Variants in SLC22A23 observed in about 807,000 individuals in gnomAD.
SLC22A23 encodes the protein ion transporter protein.
A neutral mutation model predicts 61.0 loss-of-function variants in SLC22A23; 26 were observed. The ratio of observed to expected loss-of-function variants is 0.43; its 90% CI spans 0.31 to 0.59. The LOEUF is 0.59. SLC22A23 is among the 20% of genes least tolerant of loss of function. The pLI is 0.11. For missense variants in SLC22A23, 796 were observed against 934.7 expected (o/e 0.85, Z 1.94); for synonymous variants, 430 against 413.9 (o/e 1.04, Z -0.47).
chr6:3,338,375 G>A (rs1014607879), intron 3 of SLC22A23, among the ~76,000 whole-genome samples: 8 of 152,246 alleles, frequency 5.3e-5, no homozygotes, highest in African/African-American at 1.7e-4. Flanking sequence ...TGTTGCCCAG[G>A]CTGGAGTGCA....
At chr6:3,412,537 C>G (rs748855596) in intron 2 of SLC22A23, among the ~76,000 whole-genome samples, 9 of 152,196 alleles carry the variant, frequency 5.9e-5, no homozygotes, top group Admixed American at 2.0e-4. Context: ...AGAACCCTCT[C>G]AGAGAGGACT....
At chr6:3,426,059 C>T (rs1770466864) in intron 1 of SLC22A23, among the ~76,000 whole-genome samples, 1 of 152,170 alleles carries the variant, frequency 6.6e-6, no homozygotes, top group Non-Finnish European at 1.5e-5. Flanking sequence ...AGTGACTAAA[C>T]AAATAATAAT....
chr6:3,406,135 G>C (rs992718576), intron 3 of SLC22A23, among the ~76,000 whole-genome samples: 1 of 152,128 alleles, frequency 6.6e-6, no homozygotes, highest in Non-Finnish European at 1.5e-5. Context: ...AAGTGTAGCT[G>C]GTGGGGGGCA....
chr6:3,367,125 A>G (rs1321833009), intron 3 of SLC22A23, among the ~76,000 whole-genome samples: 2 of 152,190 alleles, frequency 1.3e-5, no homozygotes, highest in Non-Finnish European at 2.9e-5. Flanking sequence ...GTGTGTGTGT[A>G]TTTTAAAGGA....
chr6:3,372,368 T>C lies in SLC22A23; in HGVS notation c.913+37820A>G, dbSNP rs556787680. On this transcript the variant is annotated intron_variant, in intron 3 of 9. Coordinates refer to ENST00000406686, the MANE Select transcript of SLC22A23 (RefSeq NM_015482.2). The surrounding 1 kb of genome is among the most constrained non-coding windows in gnomAD (Gnocchi z 4.7). The stretch of plus-strand genomic sequence containing the variant: ...GGCAAGATGCACGAAGGTCTAAGCC[T>C]GCAGGCTCCTCCTGCTGGCTGTGCT... 1.5e-4 allele frequency among the ~76,000 whole-genome samples: 23 copies of C among 152,344 alleles called. No individual in the cohort carries two copies. The highest frequency in any genetic ancestry group is 5.5e-4 in the African/African-American group (23 of 41,582).
chr6:3,448,275 G>A (rs1235284606), intron 1 of SLC22A23, among the ~76,000 whole-genome samples: 7 of 151,670 alleles, frequency 4.6e-5, no homozygotes, highest in African/African-American at 1.7e-4. Context: ...GCTCTATGAA[G>A]AAAAAAAACC....
At chr6:3,303,730 G>A (rs568874665) in intron 4 of SLC22A23, among the ~76,000 whole-genome samples, 7 of 152,164 alleles carry the variant, frequency 4.6e-5, no homozygotes, top group Non-Finnish European at 8.8e-5. Flanking sequence ...GGGAGAGATT[G>A]ATTAAAGGAT....
intron 1 of SLC22A23, among the ~76,000 whole-genome samples, chr6:3,424,858 T>C (rs920137792): frequency 3.3e-5 from 5 of 152,244 alleles, no homozygotes; most frequent in African/African-American, 9.6e-5. Context: ...ATATTTACTA[T>C]GTGGCCCTTT....
chr6:3,334,659 T>C (rs1305830202), intron 3 of SLC22A23, among the ~76,000 whole-genome samples: 1 of 152,234 alleles, frequency 6.6e-6, no homozygotes, highest in Non-Finnish European at 1.5e-5. Context: ...CAGAGTCAAA[T>C]GCTAGGCAGA....
At chr6:3,422,695 T>C (rs1329904063) in intron 1 of SLC22A23, among the ~76,000 whole-genome samples, 1 of 152,206 alleles carries the variant, frequency 6.6e-6, no homozygotes, top group Non-Finnish European at 1.5e-5. Flanking sequence ...CATCCTTGGG[T>C]ACTCCGGGGA....
rs1764217655 is a variant in SLC22A23, at chr6:3,342,723, C to T, written c.914-18721G>A. On this transcript the variant is annotated intron_variant, in intron 3 of 9. Transcript: ENST00000406686. This position sits in a 1 kb window ranked among gnomAD's most constrained non-coding sequence, Gnocchi z 4.0. ...TGCCATCGTACAAATAACACCTTCA[C>T]ATTAGTGCTGGGGATGAAAACCTTT... 6.6e-6 allele frequency among the ~76,000 whole-genome samples: 1 copy of T among 152,202 alleles called. No homozygotes were observed.
rs570271391 is a variant in SLC22A23 at position 3,414,132 on chromosome 6, A to G, written c.758+1620T>C. On this transcript the variant is annotated intron_variant, in intron 2 of 9. Transcript: ENST00000406686. This position sits in a 1 kb window ranked among gnomAD's most constrained non-coding sequence, Gnocchi z 5.1. ...TAAACTGTTACAGACTGGTTCATTC[A>G]TAAAAGTCGATTTTTACTTTTCTAT... 5.2e-5 allele frequency among the ~76,000 whole-genome samples: 8 copies of G among 152,382 alleles called. No homozygotes were observed. In the South Asian group the frequency reaches 1.4e-3, roughly 28 times the overall value.
At chr6:3,293,882 G>A (rs1760840486) in intron 5 of SLC22A23, among the ~76,000 whole-genome samples, 1 of 152,204 alleles carries the variant, frequency 6.6e-6, no homozygotes, top group Admixed American at 6.5e-5. Context: ...CCCACATGGG[G>A]CTAAGATGGG....
chr6:3,443,972 C>G (rs1771751204), intron 1 of SLC22A23, among the ~76,000 whole-genome samples: 1 of 152,202 alleles, frequency 6.6e-6, no homozygotes, highest in Admixed American at 6.5e-5. Flanking sequence ...TCAGATCCCA[C>G]CTTCCACCTG....
At chr6:3,448,565 C>T (rs1428182684) in intron 1 of SLC22A23, among the ~76,000 whole-genome samples, 4 of 152,118 alleles carry the variant, frequency 2.6e-5, no homozygotes, top group Non-Finnish European at 5.9e-5. Flanking sequence ...GTGATCTCCG[C>T]TCACTGCAAG....
chr6:3,300,032 A>T (rs1311518768), intron 4 of SLC22A23, among the ~76,000 whole-genome samples: 15 of 84,444 alleles, frequency 1.8e-4, no homozygotes, highest in African/African-American at 5.8e-4. Flanking sequence ...TTTTTTTGAG[A>T]TGGAGTCTTG....
At chr6:3,354,099 G>T (rs1049926218) in intron 3 of SLC22A23, among the ~76,000 whole-genome samples, 2 of 152,188 alleles carry the variant, frequency 1.3e-5, no homozygotes, top group Non-Finnish European at 2.9e-5. Context: ...TGGAAATTTC[G>T]ATGGTGATCA....
intron 3 of SLC22A23, among the ~76,000 whole-genome samples, chr6:3,371,812 C>T (rs1766236082): frequency 6.6e-6 from 1 of 152,066 alleles, no homozygotes; most frequent in Non-Finnish European, 1.5e-5. Flanking sequence ...CTACTTTTTA[C>T]AGTATATTAT....
rs1249371754 is a variant in SLC22A23, at chr6:3,273,023, A to G, written c.*32T>C. 6.6e-7 allele frequency: 1 copy of G among 1,506,110 alleles called. No homozygotes were observed. The highest frequency in any genetic ancestry group is 1.4e-5 in the African/African-American group (1 of 72,150). 93.3% of individuals were successfully genotyped at this position (1,506,110 alleles called of 1,614,324 possible). A position where few individuals can be genotyped will look rare whatever the true frequency, so the allele number is the denominator to read the frequency against. Reference sequence around the variant, plus strand: ...TGTAAACCTGTGCCCAAGCTGCCCCAGACCCTGGAGCCCCGGGTTCCGCAG... The same window carrying G: ...TGTAAACCTGTGCCCAAGCTGCCCCGGACCCTGGAGCCCCGGGTTCCGCAG... On this transcript the variant is annotated 3_prime_UTR_variant, in exon 10 of 10. Transcript: ENST00000406686.
Sources: allele counts gnomAD v4.1 joint callset (sites outside exome capture counted in the v4.1 genomes callset), GRCh38; gene constraint gnomAD v4.1.1; non-coding constraint Gnocchi (gnomAD v3.1); transcripts MANE v1.5; gene names NCBI Gene and HGNC (gene_info 2026-07-23, HGNC 2026-07-21).